ATIC: variants seen among roughly 807,000 people sequenced by gnomAD.
The protein encoded by ATIC is bifunctional purine biosynthesis protein ATIC.
Under a neutral mutation model 72.5 loss-of-function variants are expected in ATIC, and 64 were observed. The ratio of observed to expected loss-of-function variants is 0.88; its 90% CI spans 0.72 to 1.09. The LOEUF is 1.09. Among genes scored for constraint, ATIC ranks in the 50% least tolerant of loss-of-function variants. The pLI is 0.00. For synonymous variants in ATIC, 281 were observed against 267.1 expected, an observed-to-expected ratio of 1.05 and a Z score of -0.51; for missense variants, 787 against 732.4, an observed-to-expected ratio of 1.07 and a Z score of -0.86.
chr2:215,318,222 C>T lies in ATIC; in HGVS notation c.212C>T (p.Ala71Val), dbSNP rs764278248. The change falls in exon 3 of 16, where the codon GCA becomes GTA. Residue 71 changes from alanine to valine, a missense_variant. Physicochemically the swap from Ala to Val is moderately conservative, Grantham distance 64. Coordinates refer to ENST00000236959, the MANE Select transcript of ATIC (RefSeq NM_004044.7). ...GGACGTGTGAAAACTTTGCATCCTG[C>T]AGTCCATGCTGGTAAGTGGTTGGTA... ...LGGRVKTLHPAVHAGILARNI... is the reference protein window; with the variant it reads ...LGGRVKTLHPVVHAGILARNI... The T allele has an allele frequency of 1.2e-6, 2 of 1,613,690 alleles. No homozygotes were observed. The highest frequency in any genetic ancestry group is 1.7e-6 in the Non-Finnish European group (2 of 1,179,620).
the ATIC span, chr2:215,361,784 G>C: frequency 2.2e-6 from 1 of 449,554 alleles, no homozygotes; most frequent in Non-Finnish European, 2.9e-6. Context: ...GGCAATAGGA[G>C]ATGTTCAAGA....
At chr2:215,340,870 T>C (rs1035294143) in intron 12 of ATIC, among the ~76,000 whole-genome samples, 1 of 152,222 alleles carries the variant, frequency 6.6e-6, no homozygotes, top group African/African-American at 2.4e-5. Context: ...AAGCATAGAC[T>C]GTCAGGCCCA....
At chr2:215,344,529 A>G (rs1452389554) in intron 12 of ATIC, among the ~76,000 whole-genome samples, 3 of 152,076 alleles carry the variant, frequency 2.0e-5, no homozygotes, top group Middle Eastern at 3.4e-3. Flanking sequence ...CATCTCTACT[A>G]AAAATACAAA....
At position 215,312,097 on chromosome 2, in the gene ATIC, C is replaced by T. The variant is rs747176991; in HGVS notation, c.-46C>T. 7 of 1,489,444 alleles carry T rather than the reference C, an allele frequency of 4.7e-6. No individual in the cohort carries two copies. In the African/African-American group the frequency reaches 5.5e-5, roughly 12 times the overall value. The allele number at this position is 1,489,444 out of a possible 1,614,324, so 92.3% of individuals were successfully genotyped here. A position where few individuals can be genotyped will look rare whatever the true frequency, so the allele number is the denominator to read the frequency against. On this transcript the variant is annotated 5_prime_UTR_variant, in exon 1 of 16. Coordinates refer to ENST00000236959, the MANE Select transcript of ATIC (RefSeq NM_004044.7). ...AGCCCTCCTACCTGCGCACGTGGTG[C>T]CGCCGCTGCTGCCTCCCGCTCGCCC...
chr2:215,337,502 G>T lies in ATIC; in HGVS notation c.1099-1277G>T, dbSNP rs2052969492. 2.0e-5 allele frequency among the ~76,000 whole-genome samples: 3 copies of T among 152,094 alleles called. No individual in the cohort carries two copies. The South Asian group carries it at 6.2e-4, about 32-fold the overall frequency. ...CTGCCTCACCCTCCCAAGTACCTGG[G>T]ACTACAGGCATGTACTACCAGGCCT... On this transcript the variant is annotated intron_variant, in intron 11 of 15. Transcript: ENST00000236959.
the ATIC span, chr2:215,362,736 T>G: frequency 1.3e-5 from 2 of 153,668 alleles, no homozygotes; most frequent in Non-Finnish European, 2.9e-5. Flanking sequence ...TGCCTGAAGT[T>G]TTTACTGGAA....
At chr2:215,332,238 C>G (rs2052903404) in intron 7 of ATIC, 144 bp from the exon 8 acceptor site, 14 of 1,164,530 alleles carry the variant, frequency 1.2e-5, no homozygotes, top group Non-Finnish European at 1.7e-5. Flanking sequence ...TCTTTATCAT[C>G]AAGATTTTAT....
intron 12 of ATIC, among the ~76,000 whole-genome samples, chr2:215,341,401 T>C (rs2106033766): frequency 6.6e-6 from 1 of 152,324 alleles, no homozygotes; most frequent in Middle Eastern, 3.4e-3. Context: ...TTTAGTGATC[T>C]TGATAGGTTT....
At position 215,312,615 on chromosome 2, in the gene ATIC, T is replaced by C; in HGVS notation, c.137T>C (p.Leu46Pro). The C allele has an allele frequency of 6.2e-7, 1 of 1,614,232 alleles. No individual in the cohort carries two copies. The highest frequency in any genetic ancestry group is 8.5e-7 in the Non-Finnish European group (1 of 1,180,040). The stretch of plus-strand genomic sequence containing the variant: ...GCAAAAGCTCTCAGGGATGCTGGTC[T>C]GGCAGTCAGGTAAGGCATAGCTAGT... ...GTAKALRDAGLAVRDVSELTG... is the reference protein window; with the variant it reads ...GTAKALRDAGPAVRDVSELTG... Residue 46 changes from leucine (L) to proline (P), a missense_variant, in exon 2 of 16, where the codon CTG (leucine) becomes CCG (proline). Transcript: ENST00000236959.
chr2:215,349,957 A>C (rs2053117319), downstream of ATIC, among the ~76,000 whole-genome samples: 1 of 152,146 alleles, frequency 6.6e-6, no homozygotes, highest in Admixed American at 6.5e-5. Flanking sequence ...AGGACATGGC[A>C]CAAGTCACTG....
intron 8 of ATIC, among the ~76,000 whole-genome samples, chr2:215,332,917 A>G (rs113256835): frequency 1.4e-4 from 22 of 152,138 alleles, no homozygotes; most frequent in African/African-American, 3.6e-4. Flanking sequence ...GAACTCCGCA[A>G]TTGAGTTGTC....
intron 1 of ATIC, 162 bp downstream of exon 1, chr2:215,312,323 G>T: frequency 6.8e-7 from 1 of 1,466,802 alleles, no homozygotes. Context: ...CGTGGGGCCC[G>T]CCTTAGAGCA....
intron 5 of ATIC, among the ~76,000 whole-genome samples, chr2:215,325,606 A>G (rs573688800): frequency 3.0e-4 from 45 of 151,970 alleles, no homozygotes; most frequent in African/African-American, 7.7e-4. Context: ...TGTGTCACCC[A>G]GGCTGGAGTA....
chr2:215,329,247 C>CA (rs1440921167), intron 7 of ATIC, among the ~76,000 whole-genome samples: 1 of 152,106 alleles, frequency 6.6e-6, no homozygotes, highest in African/African-American at 2.4e-5. Flanking sequence ...GATTCTGAGA[C>CA]AAAAAAATCC....
chr2:215,367,970 G>T, the ATIC span: 1 of 1,614,188 alleles, frequency 6.2e-7, no homozygotes, highest in Non-Finnish European at 8.5e-7. Context: ...GGCATAATGG[G>T]AAACTGTGTA....
chr2:215,356,578 C>A, the ATIC span, among the ~76,000 whole-genome samples: 2 of 152,226 alleles, frequency 1.3e-5, no homozygotes, highest in Middle Eastern at 3.4e-3. Flanking sequence ...TTTCATCACC[C>A]CAAAAGTTAA....
intron 7 of ATIC, among the ~76,000 whole-genome samples, chr2:215,331,618 G>T (rs921797872): frequency 2.6e-5 from 4 of 152,046 alleles, no homozygotes; most frequent in Admixed American, 2.0e-4. Context: ...TCCTGACCTT[G>T]TGATCCACCC....
At chr2:215,312,308 G>C in intron 1 of ATIC, 147 bp downstream of exon 1, 1 of 1,445,844 alleles carries the variant, frequency 6.9e-7, no homozygotes, top group South Asian at 1.3e-5. Context: ...CCGGGCCGCA[G>C]CCTGCGTGGG....
At chr2:215,329,429 C>T (rs533389072) in intron 7 of ATIC, among the ~76,000 whole-genome samples, 2 of 152,212 alleles carry the variant, frequency 1.3e-5, no homozygotes, top group East Asian at 1.9e-4. Context: ...GTTTCTTGTG[C>T]GAGATTCCCA....
Sources: gnomAD v4.1 joint callset for allele counts (sites outside exome capture counted in the v4.1 genomes callset) on GRCh38, gnomAD v4.1.1 for gene constraint, MANE v1.5 for transcripts, NCBI Gene and HGNC (gene_info 2026-07-23, HGNC 2026-07-21) for gene names.